The following MAGI2 variants were observed in gnomAD, a reference collection of about 807,000 sequenced individuals.
MAGI2 encodes membrane-associated guanylate kinase, WW and PDZ domain-containing protein 2.
In MAGI2, 35 loss-of-function variants were observed where a neutral mutation model predicts 133.3. That is an observed-to-expected ratio of 0.26 (90% CI 0.20 to 0.35). The LOEUF (loss-of-function observed/expected upper bound fraction) is 0.35. Ranked by LOEUF, MAGI2 falls within the 10% of genes least tolerant of loss-of-function variation. The probability of loss-of-function intolerance (pLI) is 1.00; values close to 1 mark genes in which losing one functional copy is unlikely to be tolerated. For synonymous variants in MAGI2, 729 were observed against 710.6 expected (o/e 1.03, Z -0.41); for missense variants, 1,636 against 1,863.4 (o/e 0.88, Z 2.25).
At chr7:78,979,713 C>T (rs1464267551) in intron 2 of MAGI2, among the ~76,000 whole-genome samples, 2 of 151,782 alleles carry the variant, frequency 1.3e-5, no homozygotes, top group African/African-American at 2.4e-5. Flanking sequence ...AGTGTTGGGT[C>T]TTGTGTGTTT....
At chr7:78,804,748 C>CAAAAAAAAAAAAAAAAAA (rs373472835) in intron 2 of MAGI2, among the ~76,000 whole-genome samples, 1 of 97,738 alleles carries the variant, frequency 1.0e-5, no homozygotes, top group Non-Finnish European at 2.0e-5. Flanking sequence ...GACTCTGTCT[C>CAAAAAAAAAAAAAAAAAA]AAAAAAAAAA....
At chr7:78,916,754 G>A (rs1798829019) in intron 2 of MAGI2, among the ~76,000 whole-genome samples, 2 of 152,242 alleles carry the variant, frequency 1.3e-5, no homozygotes, top group African/African-American at 4.8e-5. Context: ...GTAAAAAAAA[G>A]AAGTGAAGTT....
chr7:79,134,452 C>G (rs1412395520), intron 1 of MAGI2, among the ~76,000 whole-genome samples: 1 of 152,028 alleles, frequency 6.6e-6, no homozygotes, highest in Admixed American at 6.6e-5. Flanking sequence ...GCTTGCTGAC[C>G]CCTCCCACTT....
At chr7:78,973,356 A>AT (rs139726011) in intron 2 of MAGI2, among the ~76,000 whole-genome samples, 3,039 of 151,630 alleles carry the variant, frequency 0.02, 65 homozygotes, top group African/African-American at 0.063. Flanking sequence ...TTGTATGTCT[A>AT]TTTTTGCTTA....
chr7:78,521,564 G>C lies in MAGI2; in HGVS notation c.620C>G (p.Ala207Gly). The change falls in exon 4 of 22, where the codon GCC becomes GGC. Residue 207 changes from alanine to glycine, a missense_variant. Ala to Gly is a moderately conservative substitution (Grantham distance 60). This residue lies in a region of MAGI2 where 165 missense variants were observed against 128.4 expected (regional missense o/e 1.28). Coordinates refer to ENST00000354212, the MANE Select transcript of MAGI2 (RefSeq NM_012301.4). ...CCGTTTTCCTTCAGCACTTGGAGTGGCTCCTGGAAGTATCTGGTCTGTTAC... is the reference window on the plus strand; with the variant it reads ...CCGTTTTCCTTCAGCACTTGGAGTGCCTCCTGGAAGTATCTGGTCTGTTAC... ...LNVTDQILPG[A>G]TPSAEGKRKR... is the part of the protein sequence containing the mutation. 1 of 1,614,066 alleles carries C rather than the reference G, an allele frequency of 6.2e-7. No homozygotes were observed. The highest frequency in any genetic ancestry group is 1.1e-5 in the South Asian group (1 of 91,072).
At chr7:79,228,053 A>G (rs2129553956) in intron 1 of MAGI2, among the ~76,000 whole-genome samples, 1 of 152,192 alleles carries the variant, frequency 6.6e-6, no homozygotes, top group South Asian at 2.1e-4. Flanking sequence ...AGAAAACAAA[A>G]ACTGCTGAAG....
Position 79,187,248 on chromosome 7 carries a change from T to C in MAGI2, c.302-180042A>G, listed in dbSNP as rs6957032. Among the ~76,000 whole-genome samples, 350 of 151,920 alleles carry C rather than the reference T, an allele frequency of 2.3e-3. 5 individuals are homozygous for C. Among genetic ancestry groups the C allele is most frequent in the African/African-American group, 7.9e-3 (326 of 41,424 alleles). On this transcript the variant is annotated intron_variant, in intron 1 of 21. Coordinates refer to ENST00000354212, the MANE Select transcript of MAGI2 (RefSeq NM_012301.4). ...ACAAGAAGTATTATTTTAATTCTCA[T>C]AATTAAATTTAACCTTATAATTCTA...
chr7:78,705,628 C>T (rs323159), intron 2 of MAGI2, among the ~76,000 whole-genome samples: 10,794 of 152,116 alleles, frequency 0.071, 872 homozygotes, highest in East Asian at 0.42. Flanking sequence ...TGTGAAGAAG[C>T]TGATTCTCAT....
At chr7:79,004,224 C>T (rs1807194604) in intron 2 of MAGI2, among the ~76,000 whole-genome samples, 1 of 151,866 alleles carries the variant, frequency 6.6e-6, no homozygotes, top group Non-Finnish European at 1.5e-5. Context: ...CATCAAGGGA[C>T]AAATGGATAC....
intron 2 of MAGI2, among the ~76,000 whole-genome samples, chr7:78,823,620 A>T (rs999507011): frequency 6.7e-6 from 1 of 150,322 alleles, no homozygotes; most frequent in Non-Finnish European, 1.5e-5. Context: ...GACACTGTCT[A>T]TTTCAGCAGC....
chr7:79,075,125 C>T (rs1815347574), intron 1 of MAGI2, among the ~76,000 whole-genome samples: 1 of 152,190 alleles, frequency 6.6e-6, no homozygotes, highest in African/African-American at 2.4e-5. Context: ...ACAACCTTCT[C>T]TTCTCGATCT....
At chr7:79,303,341 A>G (rs983401021) in intron 1 of MAGI2, among the ~76,000 whole-genome samples, 3 of 152,192 alleles carry the variant, frequency 2.0e-5, no homozygotes, top group African/African-American at 4.8e-5. Context: ...TGTAGAAAGC[A>G]TACATTCAAT....
At chr7:79,007,363 C>T (rs568930292) in intron 1 of MAGI2, among the ~76,000 whole-genome samples, 157 bp from the exon 2 acceptor site, 44 of 152,220 alleles carry the variant, frequency 2.9e-4, no homozygotes, top group Non-Finnish European at 4.3e-4. Flanking sequence ...ACAATGATAA[C>T]AGAGATAACA....
At chr7:78,288,921 G>A (rs55765454) in intron 9 of MAGI2, among the ~76,000 whole-genome samples, 25,065 of 150,950 alleles carry the variant, frequency 0.17, 2,671 homozygotes, top group East Asian at 0.29. Flanking sequence ...ACAAACAGAA[G>A]GGACATCCAC....
chr7:79,346,716 T>C (rs1219981211), intron 1 of MAGI2, among the ~76,000 whole-genome samples: 1 of 151,976 alleles, frequency 6.6e-6, no homozygotes, highest in Non-Finnish European at 1.5e-5. Flanking sequence ...CTCCAGTTTA[T>C]TACTGCTGGA....
chr7:78,646,299 G>A (rs1031832135), intron 2 of MAGI2, among the ~76,000 whole-genome samples: 1 of 152,110 alleles, frequency 6.6e-6, no homozygotes, highest in Admixed American at 6.5e-5. Context: ...GAGTCTTAAA[G>A]TATGGTTGAA....
intron 1 of MAGI2, among the ~76,000 whole-genome samples, chr7:79,348,721 A>G (rs991873702): frequency 6.6e-6 from 1 of 151,742 alleles, no homozygotes; most frequent in Admixed American, 6.6e-5. Flanking sequence ...AGCATTCATC[A>G]TTTACAGCCA....
chr7:78,996,119 C>T (rs977682555), intron 2 of MAGI2, among the ~76,000 whole-genome samples: 1 of 152,132 alleles, frequency 6.6e-6, no homozygotes. Context: ...GACCCACCAA[C>T]CATTCTCCCT....
intron 3 of MAGI2, among the ~76,000 whole-genome samples, chr7:78,604,055 A>G (rs1221181461): frequency 6.6e-6 from 1 of 152,198 alleles, no homozygotes; most frequent in Admixed American, 6.5e-5. Context: ...AGATATGTAG[A>G]TATTCTGATG....
Sources: gnomAD v4.1 joint callset for allele counts (sites outside exome capture counted in the v4.1 genomes callset) on GRCh38, gnomAD v4.1.1 for gene constraint, gnomAD v4.1.1 regional missense constraint, MANE v1.5 for transcripts, NCBI Gene and HGNC (gene_info 2026-07-23, HGNC 2026-07-21) for gene names.